Variants in RSBN1 observed in about 807,000 individuals in gnomAD.
RSBN1 encodes round spermatid basic protein 1.
A neutral mutation model predicts 74.8 loss-of-function variants in RSBN1; 23 were observed. The observed-to-expected ratio is 0.31, with a 90% CI of 0.22 to 0.44. RSBN1 has a LOEUF of 0.44. RSBN1 is among the 20% of genes least tolerant of loss of function. The probability of loss-of-function intolerance (pLI) is 1.00; values close to 1 mark genes in which losing one functional copy is unlikely to be tolerated. For synonymous variants in RSBN1, 407 were observed against 379.6 expected (o/e 1.07, Z -0.84); for missense variants, 808 against 1,020.9 (o/e 0.79, Z 2.84).
chr1:113,808,462 G>C (rs902249441), intron 1 of RSBN1, among the ~76,000 whole-genome samples: 1 of 152,184 alleles, frequency 6.6e-6, no homozygotes, highest in Non-Finnish European at 1.5e-5. Flanking sequence ...CATGGATACA[G>C]AGGGCTAATT....
chr1:113,800,817 T>G (rs1660568856), intron 1 of RSBN1, among the ~76,000 whole-genome samples: 1 of 151,412 alleles, frequency 6.6e-6, no homozygotes, highest in Middle Eastern at 3.4e-3. Flanking sequence ...ACCATTCAAT[T>G]AGTCCAACAT....
intron 1 of RSBN1, among the ~76,000 whole-genome samples, chr1:113,804,373 A>T (rs768895048): frequency 1.3e-5 from 2 of 152,238 alleles, no homozygotes; most frequent in Non-Finnish European, 2.9e-5. Flanking sequence ...AGAAAGAAAC[A>T]GCCTGAAACA....
Position 113,811,735 on chromosome 1 carries a change from C to T in RSBN1, c.678G>A (p.Val226=), listed in dbSNP as rs1660855032. Residue 226 remains valine, a synonymous_variant, in exon 1 of 7, where the codon GTG becomes GTA. Coordinates refer to ENST00000261441, the MANE Select transcript of RSBN1 (RefSeq NM_018364.5). ...CTCTCTTGGGGGCTTTGATCAGAGG[C>T]ACCCCTCCAGTCCTCTCGCCGTTTT... ...KQENGERTGG[V]PLIKAPKRET... 5.0e-6 allele frequency: 8 copies of T among 1,605,600 alleles called. No individual in the cohort carries two copies. Among genetic ancestry groups the T allele is most frequent in the Admixed American group, 3.4e-5 (2 of 59,548 alleles).
intron 3 of RSBN1, 134 bp from the exon 4 acceptor site, chr1:113,777,486 A>C (rs1660055087): frequency 2.1e-6 from 2 of 932,854 alleles, no homozygotes; most frequent in Non-Finnish European, 3.1e-6. Flanking sequence ...TTTACATAGT[A>C]ATTTATATTA....
chr1:113,779,332 A>G (rs1290114123), intron 2 of RSBN1, among the ~76,000 whole-genome samples: 11 of 152,200 alleles, frequency 7.2e-5, no homozygotes. Flanking sequence ...TTTTTTCCAT[A>G]GACAATTTAA....
intron 1 of RSBN1, among the ~76,000 whole-genome samples, chr1:113,807,481 C>T (rs544182711): frequency 5.4e-4 from 81 of 151,138 alleles, no homozygotes; most frequent in Non-Finnish European, 9.8e-4. Context: ...ATTCAAGGGC[C>T]GGGCGCAGTG....
chr1:113,810,384 A>AAC (rs113663525), intron 1 of RSBN1, among the ~76,000 whole-genome samples: 39,798 of 146,560 alleles, frequency 0.27, 5,711 homozygotes, highest in South Asian at 0.4. Flanking sequence ...GTACAGTTAA[A>AAC]ACACACACAC....
Position 113,812,237 on chromosome 1 carries a change from A to G in RSBN1, c.176T>C (p.Val59Ala). Residue 59 changes from valine (V) to alanine (A), a missense_variant, in exon 1 of 7, where the codon GTA becomes GCA. This residue lies in a region of RSBN1 where 464 missense variants were observed against 401.0 expected (regional missense o/e 1.16). Coordinates refer to ENST00000261441, the MANE Select transcript of RSBN1 (RefSeq NM_018364.5). ...MAAQVGAVRV[V>A]RAVAAQEEPD... Reference sequence around the variant, plus strand: ...CTCCTCCTGCGCCGCCACCGCCCGTACTACGCGCACCGCTCCGACCTGCGC... The same window carrying G: ...CTCCTCCTGCGCCGCCACCGCCCGTGCTACGCGCACCGCTCCGACCTGCGC... 3 of 1,606,352 alleles carry G rather than the reference A, an allele frequency of 1.9e-6. No individual in the cohort carries two copies. Among genetic ancestry groups the G allele is most frequent in the Non-Finnish European group, 2.5e-6 (3 of 1,179,826 alleles).
At chr1:113,810,817 C>T (rs1194990507) in intron 1 of RSBN1, among the ~76,000 whole-genome samples, 1 of 152,040 alleles carries the variant, frequency 6.6e-6, no homozygotes, top group Non-Finnish European at 1.5e-5. Flanking sequence ...TACAAACATA[C>T]GGCATAATCA....
intron 1 of RSBN1, among the ~76,000 whole-genome samples, chr1:113,799,887 T>G (rs1660547673): frequency 1.3e-5 from 2 of 152,178 alleles, no homozygotes; most frequent in Non-Finnish European, 2.9e-5. Context: ...TGACGAACCT[T>G]CAAGTTTGGT....
chr1:113,795,179 C>A (rs141150340), intron 2 of RSBN1, among the ~76,000 whole-genome samples: 194 of 152,266 alleles, frequency 1.3e-3, no homozygotes, highest in Non-Finnish European at 2.2e-3. Context: ...AATAAAAGCA[C>A]TAATCTCTTC....
chr1:113,782,727 G>C (rs1276657024), intron 2 of RSBN1, among the ~76,000 whole-genome samples: 2 of 152,118 alleles, frequency 1.3e-5, no homozygotes, highest in South Asian at 4.1e-4. Context: ...CATCCACACT[G>C]TTGACCATAA....
chr1:113,788,829 A>G (rs1236611926), intron 2 of RSBN1, among the ~76,000 whole-genome samples: 1 of 152,172 alleles, frequency 6.6e-6, no homozygotes, highest in East Asian at 1.9e-4. Flanking sequence ...CTTGGCCAGG[A>G]GTTTGACATC....
At chr1:113,781,261 A>T (rs1201569068) in intron 2 of RSBN1, among the ~76,000 whole-genome samples, 2 of 152,200 alleles carry the variant, frequency 1.3e-5, no homozygotes, top group Non-Finnish European at 2.9e-5. Context: ...CTGTAATACT[A>T]GTCTGTAGTA....
Position 113,789,176 on chromosome 1 carries a change from G to A in RSBN1, c.1377+8187C>T, listed in dbSNP as rs531568113. Among the ~76,000 whole-genome samples, 175 of 152,238 alleles carry A rather than the reference G, an allele frequency of 1.1e-3. 9 individuals carry two copies. In the South Asian group the frequency reaches 0.035, roughly 31 times the overall value. ...CGGTCAGCCCTACCCCCAACCTCCA[G>A]GGAGGGGTGCTAAAGGTCAAGCTGA... On this transcript the variant is annotated intron_variant, in intron 2 of 6. Coordinates refer to ENST00000261441, the MANE Select transcript of RSBN1 (RefSeq NM_018364.5).
At chr1:113,805,243 A>G (rs1011304158) in intron 1 of RSBN1, among the ~76,000 whole-genome samples, 1 of 151,912 alleles carries the variant, frequency 6.6e-6, no homozygotes, top group African/African-American at 2.4e-5. Flanking sequence ...CAGCCTCCCA[A>G]GTAGCCCAGC....
chr1:113,806,374 G>C (rs1037944321), intron 1 of RSBN1, among the ~76,000 whole-genome samples: 3 of 151,574 alleles, frequency 2.0e-5, no homozygotes, highest in African/African-American at 7.3e-5. Context: ...AGGTTGTACT[G>C]ATTTTTGAAA....
intron 4 of RSBN1, among the ~76,000 whole-genome samples, chr1:113,776,348 G>A (rs534580309): frequency 1.5e-4 from 23 of 152,236 alleles, no homozygotes; most frequent in African/African-American, 5.3e-4. Flanking sequence ...AGGAAGGAAA[G>A]AAAAACTTCA....
chr1:113,783,392 C>T (rs1660174674), intron 2 of RSBN1, among the ~76,000 whole-genome samples: 1 of 150,212 alleles, frequency 6.7e-6, no homozygotes, highest in Non-Finnish European at 1.5e-5. Context: ...AACAGCATAA[C>T]AATGAACAGC....
Sources: allele counts gnomAD v4.1 joint callset (sites outside exome capture counted in the v4.1 genomes callset), GRCh38; gene constraint gnomAD v4.1.1; regional missense constraint gnomAD v4.1.1; transcripts MANE v1.5; gene names NCBI Gene and HGNC (gene_info 2026-07-23, HGNC 2026-07-21).